The following AHCYL2 variants were observed in gnomAD, a reference collection of about 807,000 sequenced individuals.
AHCYL2 encodes the protein S-adenosylhomocysteine hydrolase-like protein 2.
AHCYL2 carries 28 observed loss-of-function variants against 81.4 expected under a neutral mutation model. The observed-to-expected ratio is 0.34, with a 90% CI of 0.25 to 0.47. The LOEUF (loss-of-function observed/expected upper bound fraction) is 0.47, where lower values mean the gene tolerates loss of function less well. Among genes scored for constraint, AHCYL2 ranks in the 20% least tolerant of loss-of-function variants. The pLI is 1.00. For missense variants in AHCYL2, 551 were observed against 785.1 expected (o/e 0.70, Z 3.56); for synonymous variants, 272 against 290.2 (o/e 0.94, Z 0.64).
chr7:129,255,358 TA>T (rs1223980562), intron 1 of AHCYL2, among the ~76,000 whole-genome samples: 2 of 152,234 alleles, frequency 1.3e-5, no homozygotes, highest in Non-Finnish European at 2.9e-5. Context: ...AACATATCAA[TA>T]TAAAAATTAA....
intron 5 of AHCYL2, among the ~76,000 whole-genome samples, chr7:129,399,588 T>C (rs1795925209): frequency 6.7e-6 from 1 of 148,360 alleles, no homozygotes. Flanking sequence ...ACGTAAGGGT[T>C]TTTTTCTTAA....
chr7:129,343,253 T>G (rs1793248880), intron 1 of AHCYL2, among the ~76,000 whole-genome samples: 1 of 152,190 alleles, frequency 6.6e-6, no homozygotes, highest in South Asian at 2.1e-4. Flanking sequence ...GCTTGGCATA[T>G]CCGTACAGTT....
rs569003483 is a variant in AHCYL2, at chr7:129,371,080, A to G, written c.364-8558A>G. On this transcript the variant is annotated intron_variant, in intron 1 of 16. Transcript: ENST00000325006. ...TTCCAGACCTTACTTGTAAAATGTT[A>G]AAGTGTCTTTTAATCCCCAAGAAAA... 2.6e-5 allele frequency among the ~76,000 whole-genome samples: 4 copies of G among 152,314 alleles called. No homozygotes were observed. The East Asian group carries it at 7.7e-4, about 29-fold the overall frequency.
intron 1 of AHCYL2, among the ~76,000 whole-genome samples, chr7:129,240,792 C>G (rs1023047033): frequency 6.6e-6 from 1 of 151,984 alleles, no homozygotes; most frequent in African/African-American, 2.4e-5. Context: ...AACACTGTGC[C>G]CATGTGGAGG....
rs182696607 is a variant in AHCYL2, at chr7:129,406,318, C to T, written c.1207-60C>T. ...AAGAGGGGGTGCACTTTACCAGAAG[C>T]TTTGAGAAATGGTTTTCTCAGTGAC... On this transcript the variant is annotated intron_variant, in intron 9 of 16. Transcript: ENST00000325006. This position sits in a 1 kb window ranked among gnomAD's most constrained non-coding sequence, Gnocchi z 4.3. The T allele has an allele frequency of 5.4e-4, 817 of 1,517,306 alleles. 3 individuals are homozygous for T. The Middle Eastern group carries it at 7.7e-3, about 14-fold the overall frequency. 94.0% of individuals were successfully genotyped at this position (1,517,306 alleles called of 1,614,324 possible).
intron 12 of AHCYL2, among the ~76,000 whole-genome samples, chr7:129,417,492 G>A (rs190582842): frequency 1.3e-5 from 2 of 152,314 alleles, no homozygotes; most frequent in East Asian, 3.9e-4. Context: ...TGCCCTGGTT[G>A]CTGTGTTGAG....
rs969984777 is a variant in AHCYL2, at chr7:129,368,076, G to A, written c.364-11562G>A. Reference sequence around the variant, plus strand: ...TCTTGGTATCCGCACCTCCAGTGACGTGTCCTGAAGGGTGGGAGAGAATTC... The same window carrying A: ...TCTTGGTATCCGCACCTCCAGTGACATGTCCTGAAGGGTGGGAGAGAATTC... On this transcript the variant is annotated intron_variant, in intron 1 of 16. Coordinates refer to ENST00000325006, the MANE Select transcript of AHCYL2 (RefSeq NM_015328.4). The surrounding 1 kb of genome is among the most constrained non-coding windows in gnomAD (Gnocchi z 4.4). 5.1e-6 allele frequency: 5 copies of A among 987,402 alleles called. No individual in the cohort carries two copies. The highest frequency in any genetic ancestry group is 4.8e-6 in the Non-Finnish European group (4 of 829,360). 61.2% of individuals were successfully genotyped at this position (987,402 alleles called of 1,614,324 possible).
chr7:129,312,030 C>T (rs1212442184), intron 1 of AHCYL2, among the ~76,000 whole-genome samples: 3 of 152,072 alleles, frequency 2.0e-5, no homozygotes, highest in African/African-American at 4.8e-5. Context: ...TGTCATTGCC[C>T]CAGGCTGGAG....
At chr7:129,313,158 T>C (rs141494531) in intron 1 of AHCYL2, among the ~76,000 whole-genome samples, 137 of 152,290 alleles carry the variant, frequency 9.0e-4, no homozygotes, top group African/African-American at 3.2e-3. Flanking sequence ...TAAATATTAG[T>C]GAAATGAATG....
At chr7:129,237,502 T>G (rs779981759) in intron 1 of AHCYL2, among the ~76,000 whole-genome samples, 9 of 152,330 alleles carry the variant, frequency 5.9e-5, no homozygotes, top group Non-Finnish European at 8.8e-5. Flanking sequence ...ATCCTGATAC[T>G]ACTGATTTAG....
At chr7:129,356,590 G>A (rs1793742428) in intron 1 of AHCYL2, among the ~76,000 whole-genome samples, 1 of 152,138 alleles carries the variant, frequency 6.6e-6, no homozygotes, top group Admixed American at 6.5e-5. Context: ...CATCTTTGAT[G>A]AGGGGCATTA....
rs537883316 is a variant in AHCYL2, at chr7:129,246,653, T to C, written c.363+21214T>C. On this transcript the variant is annotated intron_variant, in intron 1 of 16. Coordinates refer to ENST00000325006, the MANE Select transcript of AHCYL2 (RefSeq NM_015328.4). ...CTGGGGCTATAGTTGCGTGCCACCG[T>C]GGCTGGCTAATTTTTGTATTTTTTG... Among the ~76,000 whole-genome samples the C allele has an allele frequency of 1.1e-4, 17 of 152,242 alleles. No individual in the cohort carries two copies. In the East Asian group the frequency reaches 2.9e-3, roughly 26 times the overall value.
chr7:129,289,094 T>A (rs1016328545), intron 1 of AHCYL2, among the ~76,000 whole-genome samples: 8 of 152,014 alleles, frequency 5.3e-5, no homozygotes, highest in East Asian at 1.9e-4. Flanking sequence ...TTTTAATTTT[T>A]ATTTTACTTT....
chr7:129,265,094 G>A (rs192757917), intron 1 of AHCYL2, among the ~76,000 whole-genome samples: 1 of 152,296 alleles, frequency 6.6e-6, no homozygotes, highest in East Asian at 1.9e-4. Context: ...GAAATATAGA[G>A]AGAAACATTT....
chr7:129,376,885 C>T (rs942467488), intron 1 of AHCYL2, among the ~76,000 whole-genome samples: 3 of 152,190 alleles, frequency 2.0e-5, no homozygotes, highest in African/African-American at 2.4e-5. Flanking sequence ...GTTGGTGAAA[C>T]GGAAGCCAGA....
chr7:129,244,849 C>T (rs1294916779), intron 1 of AHCYL2, among the ~76,000 whole-genome samples: 1 of 152,086 alleles, frequency 6.6e-6, no homozygotes, highest in Non-Finnish European at 1.5e-5. Context: ...TTGTTGATGT[C>T]TTTACCAATT....
At chr7:129,339,833 A>G (rs1290948097) in intron 1 of AHCYL2, among the ~76,000 whole-genome samples, 1 of 145,850 alleles carries the variant, frequency 6.9e-6, no homozygotes, top group Admixed American at 6.8e-5. Context: ...CCTGGCCACT[A>G]ATTGATTTTC....
At chr7:129,341,509 C>T (rs1793179389) in intron 1 of AHCYL2, among the ~76,000 whole-genome samples, 1 of 152,072 alleles carries the variant, frequency 6.6e-6, no homozygotes, top group South Asian at 2.1e-4. Flanking sequence ...GTTCTTATGC[C>T]AGGGTAGCAT....
chr7:129,271,481 A>AATACTATTAAGCATTCATAGAACG (rs1796015633), intron 1 of AHCYL2, among the ~76,000 whole-genome samples: 1 of 152,080 alleles, frequency 6.6e-6, no homozygotes, highest in Non-Finnish European at 1.5e-5. Context: ...TTCATAGAAC[A>AATACTATTAAGCATTCATAGAACG]GAATACTATT....
Sources: allele counts gnomAD v4.1 joint callset (sites outside exome capture counted in the v4.1 genomes callset), GRCh38; gene constraint gnomAD v4.1.1; non-coding constraint Gnocchi (gnomAD v3.1); transcripts MANE v1.5; gene names NCBI Gene and HGNC (gene_info 2026-07-23, HGNC 2026-07-21).